Variants in NUP214 observed in about 807,000 individuals in gnomAD.
NUP214 encodes the protein nuclear pore complex protein Nup214.
Under a neutral mutation model 196.2 loss-of-function variants are expected in NUP214, and 79 were observed. The observed-to-expected ratio is 0.40, with a 90% CI of 0.34 to 0.49. The LOEUF (loss-of-function observed/expected upper bound fraction) is 0.49. Among genes scored for constraint, NUP214 ranks in the 20% least tolerant of loss-of-function variants. The pLI is 0.58. For missense variants in NUP214, 2,468 were observed against 2,539.0 expected (o/e 0.97, Z 0.60); for synonymous variants, 1,020 against 990.5 (o/e 1.03, Z -0.56).
rs1342657112 is a variant in NUP214, at chr9:131,146,144, T to A, written c.1785T>A (p.Ala595=). ...CATTTTTCAGGTTTACTGCTGCAGCTACCTCTACTCCTGTTAGTAGCTCCC... is the reference window on the plus strand; with the variant it reads ...CATTTTTCAGGTTTACTGCTGCAGCAACCTCTACTCCTGTTAGTAGCTCCC... ...VNLSEKFTAA[A]TSTPVSSSQS... is the part of the protein sequence containing the mutation. The change falls in exon 13 of 36, where the codon GCT becomes GCA. Residue 595 remains alanine (A), a synonymous_variant. Coordinates refer to ENST00000359428, the MANE Select transcript of NUP214 (RefSeq NM_005085.4). This position sits in a 1 kb window ranked among gnomAD's most constrained non-coding sequence, Gnocchi z 4.6. The A allele has an allele frequency of 1.2e-6, 2 of 1,614,072 alleles. No individual in the cohort carries two copies. Among genetic ancestry groups the A allele is most frequent in the Non-Finnish European group, 8.5e-7 (1 of 1,180,030 alleles).
At position 131,215,507 on chromosome 9, in the gene NUP214, G is replaced by C. The variant is rs183598408; in HGVS notation, c.5749+139G>C. Reference sequence around the variant, plus strand: ...CATTTAAAATATCTTCCCCAAAGCAGTGTGATCTGTTTTGCTTTTTTATTT... The same window carrying C: ...CATTTAAAATATCTTCCCCAAAGCACTGTGATCTGTTTTGCTTTTTTATTT... On this transcript the variant is annotated intron_variant, in intron 31 of 35. Transcript: ENST00000359428. 1,205 of 962,286 alleles carry C rather than the reference G, an allele frequency of 1.3e-3. 3 individuals are homozygous for C. The highest frequency in any genetic ancestry group is 3.7e-3 in the Admixed American group (102 of 27,908). 59.6% of individuals were successfully genotyped at this position (962,286 alleles called of 1,614,324 possible).
rs188568441 is a variant in NUP214 at position 131,210,181 on chromosome 9, A to G, written c.5593-5031A>G. ...ACCAAAAAAGAGAGTGACACCCACA[A>G]TTAAATTTTTAAAATCAGCAAAAAC... On this transcript the variant is annotated intron_variant, in intron 30 of 35. Coordinates refer to ENST00000359428, the MANE Select transcript of NUP214 (RefSeq NM_005085.4). Among the ~76,000 whole-genome samples the G allele has an allele frequency of 6.7e-4, 102 of 152,376 alleles. 1 individual carries two copies. The highest frequency in any genetic ancestry group is 2.3e-3 in the African/African-American group (96 of 41,590).
Position 131,146,144 on chromosome 9 carries a change from T to C in NUP214, c.1785T>C (p.Ala595=). 1.2e-6 allele frequency: 2 copies of C among 1,614,190 alleles called. No homozygotes were observed. Among genetic ancestry groups the C allele is most frequent in the Non-Finnish European group, 1.7e-6 (2 of 1,180,022 alleles). Residue 595 remains alanine (A), a synonymous_variant, in exon 13 of 36, where the codon GCT becomes GCC. Coordinates refer to ENST00000359428, the MANE Select transcript of NUP214 (RefSeq NM_005085.4). The surrounding 1 kb of genome is among the most constrained non-coding windows in gnomAD (Gnocchi z 4.6). ...CATTTTTCAGGTTTACTGCTGCAGCTACCTCTACTCCTGTTAGTAGCTCCC... is the reference window on the plus strand; with the variant it reads ...CATTTTTCAGGTTTACTGCTGCAGCCACCTCTACTCCTGTTAGTAGCTCCC... ...VNLSEKFTAA[A]TSTPVSSSQS...
rs866061379 is a variant in NUP214 at position 131,234,354 on chromosome 9, G to A, written c.*867G>A. The A allele has an allele frequency of 1.7e-5, 4 of 232,872 alleles. No individual in the cohort carries two copies. The highest frequency in any genetic ancestry group is 2.5e-5 in the Non-Finnish European group (3 of 117,884). 14.4% of individuals were successfully genotyped at this position (232,872 alleles called of 1,614,324 possible). ...TGTTGCCAGACAACACTAGCAGAAC[G>A]ATGCTGGATTTGACAACAGTGTTTG... is the stretch of plus-strand genomic sequence containing the variant. On this transcript the variant is annotated 3_prime_UTR_variant, in exon 36 of 36. Transcript: ENST00000359428.
intron 26 of NUP214, 140 bp downstream of exon 26, chr9:131,189,271 C>A: frequency 1.5e-6 from 1 of 677,018 alleles, no homozygotes; most frequent in East Asian, 2.6e-5. Context: ...GTAGTATGAC[C>A]ATAGACAAGA....
rs1413947296 is a variant in NUP214 at position 131,198,459 on chromosome 9, A to C, written c.4965A>C (p.Ser1655=). The C allele has an allele frequency of 3.7e-6, 6 of 1,614,234 alleles. No individual in the cohort carries two copies. The highest frequency in any genetic ancestry group is 1.7e-5 in the Admixed American group (1 of 60,028). The part of the protein sequence containing the change: ...FAQPPAASSS[S]AFNQLTNNTA... Reference sequence around the variant, plus strand: ...AGCCTCCTGCTGCCAGTTCTAGCTCAGCTTTCAACCAGCTCACCAACAACA... The same window carrying C: ...AGCCTCCTGCTGCCAGTTCTAGCTCCGCTTTCAACCAGCTCACCAACAACA... The change falls in exon 29 of 36, where the codon TCA becomes TCC. Residue 1655 remains serine, a synonymous_variant. Transcript: ENST00000359428.
At chr9:131,200,636 G>A (rs1248100145) in intron 29 of NUP214, among the ~76,000 whole-genome samples, 2 of 152,186 alleles carry the variant, frequency 1.3e-5, no homozygotes. Flanking sequence ...TTGAACCTGG[G>A]AGGCGGAGGT....
At chr9:131,157,907 A>G (rs1030924709) in intron 17 of NUP214, among the ~76,000 whole-genome samples, 5 of 152,102 alleles carry the variant, frequency 3.3e-5, no homozygotes, top group African/African-American at 1.2e-4. Context: ...TGGCCTCCCA[A>G]AGTACTGGGA....
intron 4 of NUP214, among the ~76,000 whole-genome samples, chr9:131,130,498 A>C (rs1831515553): frequency 6.6e-6 from 1 of 152,158 alleles, no homozygotes; most frequent in Non-Finnish European, 1.5e-5. Context: ...TTATGTAAAG[A>C]CTACAGAGTT....
intron 30 of NUP214, among the ~76,000 whole-genome samples, chr9:131,214,709 A>G (rs1834343811): frequency 6.6e-6 from 1 of 152,230 alleles, no homozygotes; most frequent in Non-Finnish European, 1.5e-5. Flanking sequence ...AGCTAATTTA[A>G]GCTTACTTCT....
chr9:131,197,107 C>G, intron 28 of NUP214, 109 bp from the exon 29 acceptor site: 1 of 1,469,212 alleles, frequency 6.8e-7, no homozygotes, highest in African/African-American at 1.4e-5. Context: ...GGCACCCTGA[C>G]TCTGTAGAGG....
At chr9:131,192,116 T>C in intron 26 of NUP214, 92 bp from the exon 27 acceptor site, 1 of 851,858 alleles carries the variant, frequency 1.2e-6, no homozygotes, top group Non-Finnish European at 1.7e-6. Context: ...CCTCACAGGC[T>C]GAGCTACAGG....
In NUP214 at chr9:131,198,121, C is replaced by G; in HGVS notation, c.4627C>G (p.Leu1543Val). Residue 1543 changes from leucine to valine, a missense_variant, in exon 29 of 36, where the codon CTT becomes GTT. Physicochemically the swap from Leu to Val is conservative, Grantham distance 32 (BLOSUM62 1). Coordinates refer to ENST00000359428, the MANE Select transcript of NUP214 (RefSeq NM_005085.4). ...TGACTCTGTTAAAAAAGAACCTGTTCTTGCCCAGCCTGCAGTCAGCAACTC... is the reference window on the plus strand; with the variant it reads ...TGACTCTGTTAAAAAAGAACCTGTTGTTGCCCAGCCTGCAGTCAGCAACTC... ...TSDSVKKEPV[L>V]AQPAVSNSGT... The G allele has an allele frequency of 1.2e-6, 2 of 1,614,240 alleles. No individual in the cohort carries two copies. The highest frequency in any genetic ancestry group is 1.7e-6 in the Non-Finnish European group (2 of 1,180,044).
chr9:131,150,643 G>A lies in NUP214; in HGVS notation c.2155G>A (p.Glu719Lys). ...TGCACACTTTCAGAAGGAGTTGGAA[G>A]AGTTAAAAGCCCGAACTTCCAAAGC... Reference protein sequence around the residue: ...EIAHFQKELEELKARTSKACF... With the variant: ...EIAHFQKELEKLKARTSKACF... The change falls in exon 16 of 36, where the codon GAG (glutamate) becomes AAG (lysine). Residue 719 changes from glutamate to lysine, a missense_variant. Transcript: ENST00000359428. The A allele has an allele frequency of 1.2e-6, 2 of 1,613,594 alleles. No homozygotes were observed. The highest frequency in any genetic ancestry group is 1.7e-6 in the Non-Finnish European group (2 of 1,179,866).
chr9:131,230,896 C>A, intron 34 of NUP214, 127 bp downstream of exon 34: 1 of 1,125,194 alleles, frequency 8.9e-7, no homozygotes. Context: ...GCACGTGGTT[C>A]ACGCCTGTAA....
intron 21 of NUP214, chr9:131,167,406 T>C (rs1481812908): frequency 6.6e-6 from 1 of 152,246 alleles, no homozygotes; most frequent in African/African-American, 2.4e-5. Flanking sequence ...CATGTGCTGC[T>C]TTCAGTTTAT....
In NUP214 at chr9:131,196,032, CCCCCCCCG is replaced by C. The variant is rs1181945360; in HGVS notation, c.3721+740_3721+747del. On this transcript the variant is annotated intron_variant, in intron 28 of 35. Coordinates refer to ENST00000359428, the MANE Select transcript of NUP214 (RefSeq NM_005085.4). ...AGAGTGAAACTCTGTGTGTCCCCCC[CCCCCCCCG>C]CGCCAAAAAATCCATCAATAGCATG... Among the ~76,000 whole-genome samples, 4 of 34,566 alleles carry C rather than the reference CCCCCCCCG, an allele frequency of 1.2e-4. 1 individual carries two copies. Among genetic ancestry groups the C allele is most frequent in the Non-Finnish European group, 4.1e-4 (3 of 7,312 alleles). 22.7% of individuals were successfully genotyped at this position (34,566 alleles called of 152,430 possible). A position where few individuals can be genotyped will look rare whatever the true frequency, so the allele number is the denominator to read the frequency against.
chr9:131,224,924 A>T (rs892647660), intron 32 of NUP214, among the ~76,000 whole-genome samples: 13 of 152,188 alleles, frequency 8.5e-5, no homozygotes, highest in Admixed American at 8.5e-4. Flanking sequence ...TTTGACTCTT[A>T]ACGGTTTTCC....
At chr9:131,218,685 T>C (rs140557717) in intron 31 of NUP214, among the ~76,000 whole-genome samples, 1 of 152,114 alleles carries the variant, frequency 6.6e-6, no homozygotes, top group Non-Finnish European at 1.5e-5. Context: ...TGAAAATCCA[T>C]GCCAAACCCG....
Sources: allele counts gnomAD v4.1 joint callset (sites outside exome capture counted in the v4.1 genomes callset), GRCh38; gene constraint gnomAD v4.1.1; non-coding constraint Gnocchi (gnomAD v3.1); transcripts MANE v1.5; gene names NCBI Gene and HGNC (gene_info 2026-07-23, HGNC 2026-07-21).